Variants in GABRB1 observed in about 807,000 individuals in gnomAD.
GABRB1 encodes the protein gamma-aminobutyric acid receptor subunit beta-1.
A neutral mutation model predicts 51.6 loss-of-function variants in GABRB1; 17 were observed. The observed-to-expected ratio is 0.33, with a 90% CI of 0.23 to 0.49. The LOEUF is 0.49. GABRB1 is among the 20% of genes least tolerant of loss of function. The pLI is 0.99. For missense variants in GABRB1, 410 were observed against 600.6 expected (o/e 0.68, Z 3.32); for synonymous variants, 247 against 218.9 (o/e 1.13, Z -1.14).
chr4:47,114,478 G>C (rs1715381355), intron 3 of GABRB1, among the ~76,000 whole-genome samples: 2 of 152,122 alleles, frequency 1.3e-5, no homozygotes, highest in Admixed American at 6.5e-5. Flanking sequence ...GTGGCCATCT[G>C]CCAAACTATG....
upstream of GABRB1, chr4:46,993,664 A>G (rs1011518533): frequency 3.9e-6 from 2 of 517,050 alleles, no homozygotes; most frequent in South Asian, 2.0e-5. Flanking sequence ...ATGTAGAGCT[A>G]TGTATACCGC....
intron 3 of GABRB1, among the ~76,000 whole-genome samples, chr4:47,057,675 A>G (rs1726672655): frequency 1.3e-5 from 2 of 152,234 alleles, no homozygotes; most frequent in Non-Finnish European, 2.9e-5. Flanking sequence ...TTTCCAGAAT[A>G]GATTCACATT....
chr4:47,032,018 C>A lies in GABRB1; in HGVS notation c.172+13C>A. On this transcript the variant is annotated intron_variant, in intron 2 of 8. Coordinates refer to ENST00000295454, the MANE Select transcript of GABRB1 (RefSeq NM_000812.4). The stretch of plus-strand genomic sequence containing the variant: ...CCGGACTTCGGAGGTAACGCTTCAT[C>A]TTTTTTCAACCTGTAACCCATCCTT... 1 of 1,562,662 alleles carries A rather than the reference C, an allele frequency of 6.4e-7. No individual in the cohort carries two copies. The highest frequency in any genetic ancestry group is 8.7e-7 in the Non-Finnish European group (1 of 1,146,766).
chr4:47,211,514 A>T (rs1162129574), intron 4 of GABRB1, among the ~76,000 whole-genome samples: 1 of 152,190 alleles, frequency 6.6e-6, no homozygotes, highest in East Asian at 1.9e-4. Flanking sequence ...TATAACAACT[A>T]CTTATACAGT....
intron 4 of GABRB1, among the ~76,000 whole-genome samples, chr4:47,165,294 G>C (rs1180878140): frequency 1.3e-5 from 2 of 151,840 alleles, no homozygotes; most frequent in African/African-American, 4.8e-5. Context: ...TACAGACTTT[G>C]CTCCCCCATT....
At chr4:47,197,263 T>A (rs1719719414) in intron 4 of GABRB1, among the ~76,000 whole-genome samples, 1 of 152,222 alleles carries the variant, frequency 6.6e-6, no homozygotes, top group Non-Finnish European at 1.5e-5. Context: ...ATATGTTTGA[T>A]CTACAGTTGG....
intron 1 of GABRB1, among the ~76,000 whole-genome samples, chr4:47,019,655 C>CTTTCTT (rs1724859597): frequency 7.4e-6 from 1 of 135,254 alleles, no homozygotes; most frequent in Non-Finnish European, 1.6e-5. Flanking sequence ...TTCTTTCTTT[C>CTTTCTT]TTTCTTTCTT....
chr4:47,389,559 G>A (rs1727915832), intron 5 of GABRB1, among the ~76,000 whole-genome samples: 1 of 152,172 alleles, frequency 6.6e-6, no homozygotes, highest in Admixed American at 6.5e-5. Flanking sequence ...AACATTAAAT[G>A]GGTTGTTGCA....
chr4:47,410,204 C>T (rs764447667), intron 8 of GABRB1, among the ~76,000 whole-genome samples: 9 of 152,084 alleles, frequency 5.9e-5, no homozygotes, highest in Non-Finnish European at 1.3e-4. Flanking sequence ...AGTTAGACTA[C>T]GAACTCCACA....
chr4:47,012,835 C>T (rs1018432868), intron 1 of GABRB1, among the ~76,000 whole-genome samples: 1 of 152,242 alleles, frequency 6.6e-6, no homozygotes, highest in Non-Finnish European at 1.5e-5. Flanking sequence ...TAAGAAGTAA[C>T]CTATGACATT....
intron 5 of GABRB1, among the ~76,000 whole-genome samples, chr4:47,330,083 A>G (rs1207432951): frequency 6.6e-6 from 1 of 152,200 alleles, no homozygotes; most frequent in Non-Finnish European, 1.5e-5. Flanking sequence ...ATTTGAGTTC[A>G]AAAGCAGGAA....
At chr4:47,393,681 T>A (rs1312241631) in intron 5 of GABRB1, among the ~76,000 whole-genome samples, 1 of 152,238 alleles carries the variant, frequency 6.6e-6, no homozygotes, top group Non-Finnish European at 1.5e-5. Flanking sequence ...CTTTATATTA[T>A]TCCCTGTATA....
intron 3 of GABRB1, among the ~76,000 whole-genome samples, chr4:47,141,122 C>T (rs572788215): frequency 2.0e-5 from 3 of 151,936 alleles, no homozygotes; most frequent in South Asian, 4.2e-4. Context: ...GCTATACTAG[C>T]ATATTCATCT....
chr4:47,146,954 G>C (rs1252761846), intron 3 of GABRB1, among the ~76,000 whole-genome samples: 1 of 151,972 alleles, frequency 6.6e-6, no homozygotes, highest in Non-Finnish European at 1.5e-5. Flanking sequence ...GAATTTGATT[G>C]GTTGAATGAT....
intron 7 of GABRB1, among the ~76,000 whole-genome samples, chr4:47,406,362 G>T (rs1354237894): frequency 1.3e-5 from 2 of 152,190 alleles, no homozygotes; most frequent in African/African-American, 4.8e-5. Flanking sequence ...AACAAAGTGA[G>T]CGACATTCAA....
At chr4:47,304,975 T>C (rs1026057463) in intron 4 of GABRB1, among the ~76,000 whole-genome samples, 6 of 152,076 alleles carry the variant, frequency 3.9e-5, no homozygotes, top group Non-Finnish European at 7.4e-5. Context: ...AACTCAGACA[T>C]AGATTAATCA....
chr4:47,396,465 G>A (rs1005100894), intron 5 of GABRB1, among the ~76,000 whole-genome samples: 1 of 152,092 alleles, frequency 6.6e-6, no homozygotes, highest in African/African-American at 2.4e-5. Flanking sequence ...TATTACAACA[G>A]TATTTTAATG....
chr4:47,025,226 T>C (rs1409946535), intron 1 of GABRB1, among the ~76,000 whole-genome samples: 1 of 151,748 alleles, frequency 6.6e-6, no homozygotes, highest in Admixed American at 6.6e-5. Context: ...AGTATCTTTT[T>C]CATATACTGA....
intron 3 of GABRB1, among the ~76,000 whole-genome samples, chr4:47,066,528 A>G (rs1338287529): frequency 6.6e-6 from 1 of 152,214 alleles, no homozygotes; most frequent in African/African-American, 2.4e-5. Flanking sequence ...GGAATATTCT[A>G]AATCCTTTGT....
Sources: allele counts gnomAD v4.1 joint callset (sites outside exome capture counted in the v4.1 genomes callset), GRCh38; gene constraint gnomAD v4.1.1; transcripts MANE v1.5; gene names NCBI Gene and HGNC (gene_info 2026-07-23, HGNC 2026-07-21).